The following CAMSAP2 variants were observed in gnomAD, a reference collection of about 807,000 sequenced individuals.
The protein encoded by CAMSAP2 is calmodulin-regulated spectrin-associated protein 2.
In CAMSAP2, 26 loss-of-function variants were observed where a neutral mutation model predicts 146.1. The observed-to-expected ratio is 0.18, with a 90% confidence interval of 0.13 to 0.25. The LOEUF is 0.25. Ranked by LOEUF, CAMSAP2 falls within the 10% of genes least tolerant of loss-of-function variation. The probability of loss-of-function intolerance (pLI) is 1.00; values close to 1 mark genes in which losing one functional copy is unlikely to be tolerated. For missense variants in CAMSAP2, 1,381 were observed against 1,759.3 expected (o/e 0.78, Z 3.85); for synonymous variants, 499 against 596.6 (o/e 0.84, Z 2.38).
chr1:200,796,793 G>A (rs903517153), intron 2 of CAMSAP2, among the ~76,000 whole-genome samples: 101 of 151,596 alleles, frequency 6.7e-4, no homozygotes, highest in Non-Finnish European at 1.3e-3. Context: ...CTAGCATTAG[G>A]TATATCTCCC....
At chr1:200,856,189 C>A in intron 15 of CAMSAP2, 64 bp downstream of exon 15, 1 of 1,195,414 alleles carries the variant, frequency 8.4e-7, no homozygotes, top group East Asian at 2.4e-5. Context: ...GGAGGGTGTA[C>A]TAAAGAAAAT....
chr1:200,858,090 A>C lies in CAMSAP2; in HGVS notation c.*31A>C. The stretch of plus-strand genomic sequence containing the variant: ...GGGAAATACTTGCTTCAGAACATTC[A>C]TGGTAAATTTGCACTTCATCTTTCC... On this transcript the variant is annotated 3_prime_UTR_variant, in exon 17 of 17. Transcript: ENST00000358823. 6.6e-7 allele frequency: 1 copy of C among 1,513,810 alleles called. No individual in the cohort carries two copies. Among genetic ancestry groups the C allele is most frequent in the South Asian group, 1.4e-5 (1 of 73,450 alleles). 93.8% of individuals were successfully genotyped at this position (1,513,810 alleles called of 1,614,324 possible). A position where few individuals can be genotyped will look rare whatever the true frequency, so the allele number is the denominator to read the frequency against.
In CAMSAP2 at chr1:200,857,762, G is replaced by T; in HGVS notation, c.4140G>T (p.Glu1380Asp). 1 of 1,584,096 alleles carries T rather than the reference G, an allele frequency of 6.3e-7. No homozygotes were observed. The highest frequency in any genetic ancestry group is 1.7e-4 in the Middle Eastern group (1 of 5,914). ...TGTTTTTTATTTTAAAGGAAATGGA[G>T]AAATCAGATGCCAACAACTTCTTAA... The part of the protein sequence containing the change: ...GQKKKILEEM[E>D]KSDANNFLIL... Residue 1380 changes from glutamate (E) to aspartate (D), a missense_variant, in exon 17 of 17, where the codon GAG (glutamate) becomes GAT (aspartate). Around this residue, in one of 4 missense-constraint regions of CAMSAP2, gnomAD observed 90 missense variants for 174.4 expected, o/e 0.52. Transcript: ENST00000358823. This position sits in a 1 kb window ranked among gnomAD's most constrained non-coding sequence, Gnocchi z 4.7.
At chr1:200,756,963 T>G (rs573154065) in intron 1 of CAMSAP2, among the ~76,000 whole-genome samples, 11 of 152,266 alleles carry the variant, frequency 7.2e-5, no homozygotes, top group African/African-American at 1.7e-4. Context: ...TAAACTTTTT[T>G]TTTGTTTGTT....
chr1:200,788,441 T>C lies in CAMSAP2; in HGVS notation c.400-18935T>C, dbSNP rs561186072. Among the ~76,000 whole-genome samples the C allele has an allele frequency of 3.3e-5, 5 of 152,268 alleles. No homozygotes were observed. In the East Asian group the frequency reaches 9.6e-4, roughly 29 times the overall value. On this transcript the variant is annotated intron_variant, in intron 2 of 16. Transcript: ENST00000358823. ...TCATAGAGTAATAATATGTTTAGTT[T>C]TGTAAGAAATCACCAAACTCTCTTC...
chr1:200,796,690 C>CT (rs766248222), intron 2 of CAMSAP2, among the ~76,000 whole-genome samples: 99 of 142,582 alleles, frequency 6.9e-4, no homozygotes, highest in Middle Eastern at 3.6e-3. Flanking sequence ...TTTTTTTATA[C>CT]TTTAAGTTTT....
intron 1 of CAMSAP2, among the ~76,000 whole-genome samples, chr1:200,758,625 A>G (rs142191508): frequency 2.1e-4 from 32 of 152,328 alleles, no homozygotes; most frequent in African/African-American, 6.0e-4. Context: ...CCAGAGTCCT[A>G]TATCTCCAGC....
chr1:200,824,037 G>T (rs1666840932), intron 4 of CAMSAP2, among the ~76,000 whole-genome samples: 1 of 152,090 alleles, frequency 6.6e-6, no homozygotes, highest in Non-Finnish European at 1.5e-5. Flanking sequence ...GTATCTCTTG[G>T]ATATGCCCCA....
chr1:200,855,216 T>C (rs1230391113), intron 14 of CAMSAP2, among the ~76,000 whole-genome samples: 3 of 152,134 alleles, frequency 2.0e-5, no homozygotes, highest in Non-Finnish European at 4.4e-5. Flanking sequence ...GTCAGTAGAA[T>C]GAGAGTACCA....
chr1:200,761,634 C>G (rs1043663919), intron 2 of CAMSAP2, among the ~76,000 whole-genome samples: 2 of 151,520 alleles, frequency 1.3e-5, no homozygotes, highest in Admixed American at 1.3e-4. Flanking sequence ...ACTTGGGAGG[C>G]TGAGGCAGGA....
intron 2 of CAMSAP2, among the ~76,000 whole-genome samples, chr1:200,787,640 A>T (rs1665631246): frequency 6.6e-6 from 1 of 152,228 alleles, no homozygotes; most frequent in Non-Finnish European, 1.5e-5. Flanking sequence ...ATATCAAGTT[A>T]GTTGGTGAAG....
At chr1:200,753,317 A>C (rs1044316860) in intron 1 of CAMSAP2, among the ~76,000 whole-genome samples, 43 of 146,026 alleles carry the variant, frequency 2.9e-4, no homozygotes, top group Admixed American at 2.8e-3. Flanking sequence ...AAAAAAAAAA[A>C]GATAGAGCAC....
rs1664065475 is a variant in CAMSAP2 at position 200,738,998 on chromosome 1, GA to G, written c.-824del. 6.6e-6 allele frequency among the ~76,000 whole-genome samples: 1 copy of G among 152,058 alleles called. No homozygotes were observed. The highest frequency in any genetic ancestry group is 1.5e-5 in the Non-Finnish European group (1 of 67,972). On this transcript the variant is annotated 5_prime_UTR_variant, in exon 1 of 17. Transcript: ENST00000358823. Reference sequence around the variant, plus strand: ...CAGCGAGCTGCAGAAAGGGGGGCAGGAAAAAATTACAAGGACATTACTGATA... The same window carrying G: ...CAGCGAGCTGCAGAAAGGGGGGCAGGAAAAATTACAAGGACATTACTGATA...
At chr1:200,746,667 G>A (rs1415853301) in intron 1 of CAMSAP2, among the ~76,000 whole-genome samples, 1 of 150,836 alleles carries the variant, frequency 6.6e-6, no homozygotes, top group African/African-American at 2.4e-5. Context: ...CGCCCAGGCT[G>A]GAGTGCAGTG....
At chr1:200,817,183 CACACACATGTGTGTGTGT>C (rs1558192068) in intron 4 of CAMSAP2, among the ~76,000 whole-genome samples, 72 of 66,328 alleles carry the variant, frequency 1.1e-3, no homozygotes, top group African/African-American at 5.0e-3. Context: ...TATATACACA[CACACACATGTGTGTGTGT>C]ATACACACAT....
Position 200,770,004 on chromosome 1 carries a change from A to G in CAMSAP2, c.399+8906A>G, listed in dbSNP as rs555568456. Among the ~76,000 whole-genome samples, 3 of 152,332 alleles carry G rather than the reference A, an allele frequency of 2.0e-5. No individual in the cohort carries two copies. In the South Asian group the frequency reaches 6.2e-4, roughly 32 times the overall value. On this transcript the variant is annotated intron_variant, in intron 2 of 16. Transcript: ENST00000358823. ...GACTATAACAAGGGCTTTAGAAGTT[A>G]TGAACCAGGAACTGTAGATGGAAAG... is the stretch of plus-strand genomic sequence containing the variant.
intron 6 of CAMSAP2, among the ~76,000 whole-genome samples, chr1:200,834,413 A>G (rs1035240308): frequency 6.6e-6 from 1 of 152,148 alleles, no homozygotes; most frequent in Non-Finnish European, 1.5e-5. Flanking sequence ...TTTGAAAATC[A>G]TTCCATTCCA....
At chr1:200,817,220 ATG>A (rs762629944) in intron 4 of CAMSAP2, among the ~76,000 whole-genome samples, 3 of 108,414 alleles carry the variant, frequency 2.8e-5, no homozygotes, top group Non-Finnish European at 5.8e-5. Context: ...ATACACACAT[ATG>A]TGTGTGTATA....
At chr1:200,806,032 G>T (rs1037048491) in intron 2 of CAMSAP2, among the ~76,000 whole-genome samples, 25 of 152,244 alleles carry the variant, frequency 1.6e-4, no homozygotes, top group African/African-American at 6.0e-4. Flanking sequence ...TATATTTTGG[G>T]GTTGGAGAAG....
Sources: gnomAD v4.1 joint callset for allele counts (sites outside exome capture counted in the v4.1 genomes callset) on GRCh38, gnomAD v4.1.1 for gene constraint, gnomAD v4.1.1 regional missense constraint, Gnocchi (gnomAD v3.1) non-coding constraint, MANE v1.5 for transcripts, NCBI Gene and HGNC (gene_info 2026-07-23, HGNC 2026-07-21) for gene names.